Variants in FKBP6 observed in about 807,000 individuals in gnomAD.
The protein encoded by FKBP6 is inactive peptidyl-prolyl cis-trans isomerase FKBP6.
A neutral mutation model predicts 41.7 loss-of-function variants in FKBP6; 29 were observed. That is an observed-to-expected ratio of 0.70 (90% CI 0.52 to 0.95). FKBP6 has a LOEUF of 0.95. Among genes scored for constraint, FKBP6 ranks in the 40% least tolerant of loss-of-function variants. The pLI is 0.00. For synonymous variants in FKBP6, 130 were observed against 165.1 expected, an observed-to-expected ratio of 0.79 and a Z score of 1.63; for missense variants, 338 against 408.7, an observed-to-expected ratio of 0.83 and a Z score of 1.49.
At position 73,328,667 on chromosome 7, in the gene FKBP6, A is replaced by G. The variant is rs1554546852; in HGVS notation, c.150A>G (p.Leu50=). The stretch of plus-strand genomic sequence containing the variant: ...TCATCCGAGAAGGAGCTGGAGACCT[A>G]GTGGCGCCTGATGCTTCGGTGCTAG... ...KDVIREGAGD[L]VAPDASVLVK... The change falls in exon 2 of 9, where the codon CTA becomes CTG. Residue 50 remains leucine, a synonymous_variant. Coordinates refer to ENST00000252037, the MANE Select transcript of FKBP6 (RefSeq NM_003602.5). 6 of 1,611,528 alleles carry G rather than the reference A, an allele frequency of 3.7e-6. No homozygotes were observed. In the South Asian group the frequency reaches 6.6e-5, roughly 18 times the overall value.
intron 8 of FKBP6, among the ~76,000 whole-genome samples, chr7:73,347,665 GAC>G (rs1805369401): frequency 6.6e-6 from 1 of 152,144 alleles, no homozygotes; most frequent in Non-Finnish European, 1.5e-5. Context: ...TGTTTTTAGA[GAC>G]AGAGTCTCGC....
chr7:73,351,443 C>G (rs1226081370), intron 8 of FKBP6, among the ~76,000 whole-genome samples: 3 of 152,142 alleles, frequency 2.0e-5, no homozygotes, highest in South Asian at 2.1e-4. Context: ...AAGGCATTCT[C>G]TTATTGTCAG....
Position 73,328,571 on chromosome 7 carries a change from T to G in FKBP6, c.58-4T>G. On this transcript the variant is annotated splice_polypyrimidine_tract_variant and splice_region_variant and intron_variant, in intron 1 of 8. Coordinates refer to ENST00000252037, the MANE Select transcript of FKBP6 (RefSeq NM_003602.5). ...TCTGAGGCCTGGCTTTCATTCTCCATCAGTCCCTGTACGAGCGGTTAAGTC... is the reference window on the plus strand; with the variant it reads ...TCTGAGGCCTGGCTTTCATTCTCCAGCAGTCCCTGTACGAGCGGTTAAGTC... The G allele has an allele frequency of 6.9e-6, 11 of 1,588,614 alleles. No individual in the cohort carries two copies. Among genetic ancestry groups the G allele is most frequent in the Non-Finnish European group, 9.5e-6 (11 of 1,161,188 alleles).
At chr7:73,331,964 C>T (rs1005183271) in intron 5 of FKBP6, among the ~76,000 whole-genome samples, 188 bp downstream of exon 5, 3 of 152,000 alleles carry the variant, frequency 2.0e-5, no homozygotes, top group Non-Finnish European at 4.4e-5. Flanking sequence ...CCTGGGTTCA[C>T]GCCATTCTCC....
chr7:73,338,716 G>A (rs2115880217), intron 5 of FKBP6, among the ~76,000 whole-genome samples: 1 of 152,332 alleles, frequency 6.6e-6, no homozygotes. Flanking sequence ...GCATTTCCCT[G>A]ATGACTGATG....
chr7:73,330,037 G>A, intron 3 of FKBP6, 113 bp from the exon 4 acceptor site: 1 of 765,832 alleles, frequency 1.3e-6, no homozygotes, highest in South Asian at 1.5e-5. Flanking sequence ...AGAGGGAACT[G>A]TGTGAGGGAG....
chr7:73,340,710 G>A lies in FKBP6; in HGVS notation c.661G>A (p.Val221Ile), dbSNP rs1554549336. 2.5e-6 allele frequency: 4 copies of A among 1,613,958 alleles called. No individual in the cohort carries two copies. In the Admixed American group the frequency reaches 6.7e-5, roughly 27 times the overall value. Reference sequence around the variant, plus strand: ...CCTGGTGGAGGCCGCCAAGCTTCCTGTTCTCCTGAACCTGTCCTTTACATA... The same window carrying A: ...CCTGGTGGAGGCCGCCAAGCTTCCTATTCTCCTGAACCTGTCCTTTACATA... The part of the protein sequence containing the change: ...QHLVEAAKLP[V>I]LLNLSFTYLK... Residue 221 changes from valine (V) to isoleucine (I), a missense_variant, in exon 6 of 9, where the codon GTT (valine) becomes ATT (isoleucine). Physicochemically the swap from Val to Ile is conservative, Grantham distance 29. Coordinates refer to ENST00000252037, the MANE Select transcript of FKBP6 (RefSeq NM_003602.5).
chr7:73,349,546 C>CAAAA (rs1175280907), intron 8 of FKBP6, among the ~76,000 whole-genome samples: 30 of 48,682 alleles, frequency 6.2e-4, no homozygotes, highest in Non-Finnish European at 1.1e-3. Context: ...TACTAAAATA[C>CAAAA]AAAAAAAAAA....
intron 6 of FKBP6, 21 bp from the exon 7 acceptor site, chr7:73,341,251 TA>T (rs782627873): frequency 1.3e-6 from 2 of 1,512,038 alleles, no homozygotes; most frequent in South Asian, 1.1e-5. Flanking sequence ...ACTGTGCTTT[TA>T]AAGTTCTCTC....
At chr7:73,351,374 C>CT (rs1170971090) in intron 8 of FKBP6, among the ~76,000 whole-genome samples, 5 of 150,056 alleles carry the variant, frequency 3.3e-5, no homozygotes, top group East Asian at 3.9e-4. Flanking sequence ...TATGCCTCTA[C>CT]TTTTTTTTTT....
chr7:73,340,993 G>A (rs533479380), intron 6 of FKBP6, among the ~76,000 whole-genome samples, 161 bp downstream of exon 6: 2 of 147,850 alleles, frequency 1.4e-5, no homozygotes, highest in East Asian at 4.0e-4. Context: ...GCGCAAATTC[G>A]GCTCGCTGCA....
At position 73,328,473 on chromosome 7, in the gene FKBP6, C is replaced by A; in HGVS notation, c.45C>A (p.Asp15Glu). 6.4e-7 allele frequency: 1 copy of A among 1,551,952 alleles called. No homozygotes were observed. The highest frequency in any genetic ancestry group is 1.2e-5 in the South Asian group (1 of 85,302). ...ACCAGGGAGTCCTGGAAGGGGACGA[C>A]GCCCCCGGCCAGGTGAGGGCCCAGA... Reference protein sequence around the residue: ...ALNQGVLEGDDAPGQSLYERL... With the variant: ...ALNQGVLEGDEAPGQSLYERL... Residue 15 changes from aspartate (D) to glutamate (E), a missense_variant, in exon 1 of 9, where the codon GAC (aspartate) becomes GAA (glutamate). Coordinates refer to ENST00000252037, the MANE Select transcript of FKBP6 (RefSeq NM_003602.5).
chr7:73,329,507 G>A (rs782759955), intron 3 of FKBP6, 58 bp downstream of exon 3: 3 of 1,041,298 alleles, frequency 2.9e-6, no homozygotes, highest in Non-Finnish European at 4.6e-6. Flanking sequence ...GATGAGGCAC[G>A]ATGCCTCAGG....
intron 7 of FKBP6, 107 bp downstream of exon 7, chr7:73,341,489 G>C (rs987878935): frequency 2.0e-5 from 16 of 802,138 alleles, no homozygotes; most frequent in Non-Finnish European, 3.3e-5. Context: ...TGCCCAGAGT[G>C]TTAGGAGGCC....
chr7:73,345,980 C>T (rs2115928570), intron 8 of FKBP6, among the ~76,000 whole-genome samples: 1 of 152,304 alleles, frequency 6.6e-6, no homozygotes, highest in African/African-American at 2.4e-5. Flanking sequence ...GATCACCTTC[C>T]TGGTCGTTTT....
Position 73,328,248 on chromosome 7 carries a change from C to T in FKBP6, c.-181C>T, listed in dbSNP as rs781989410. On this transcript the variant is annotated 5_prime_UTR_variant, in exon 1 of 9. Coordinates refer to ENST00000252037, the MANE Select transcript of FKBP6 (RefSeq NM_003602.5). ...TTCCAGAGCTCGCGAGGGCCAGGGC[C>T]GTTGGCGGCGGTTGGAACGAAACGA... 154 of 1,549,070 alleles carry T rather than the reference C, an allele frequency of 9.9e-5. No homozygotes were observed. Among genetic ancestry groups the T allele is most frequent in the Middle Eastern group, 2.3e-4 (1 of 4,382 alleles).
rs368020072 is a variant in FKBP6, at chr7:73,340,863, A to G, written c.783+31A>G. The G allele has an allele frequency of 1.7e-5, 26 of 1,537,256 alleles. No homozygotes were observed. In the African/African-American group the frequency reaches 3.1e-4, roughly 19 times the overall value. On this transcript the variant is annotated intron_variant, in intron 6 of 8. Transcript: ENST00000252037. Reference sequence around the variant, plus strand: ...TTGGAAGCCAGTGACTTGGGAATAAACACCCAGGAAAAGGTAGTAGCAGTG... The same window carrying G: ...TTGGAAGCCAGTGACTTGGGAATAAGCACCCAGGAAAAGGTAGTAGCAGTG...
Position 73,338,322 on chromosome 7 carries a change from G to A in FKBP6, c.589-2316G>A, listed in dbSNP as rs535806862. On this transcript the variant is annotated intron_variant, in intron 5 of 8. Coordinates refer to ENST00000252037, the MANE Select transcript of FKBP6 (RefSeq NM_003602.5). ...ATTACAGGCATGAGCCACCGCACCC[G>A]GACCCTCGTTCTTTTGTAAGGCTAC... Among the ~76,000 whole-genome samples the A allele has an allele frequency of 9.1e-4, 139 of 152,254 alleles. No homozygotes were observed. The South Asian group carries it at 0.014, about 16-fold the overall frequency.
At position 73,339,721 on chromosome 7, in the gene FKBP6, C is replaced by T. The variant is rs1003333811; in HGVS notation, c.589-917C>T. Among the ~76,000 whole-genome samples the T allele has an allele frequency of 4.7e-5, 7 of 149,912 alleles. No homozygotes were observed. In the Admixed American group the frequency reaches 4.7e-4, roughly 10 times the overall value. ...CTCCGCCTCCCATGTTCAAGTGATT[C>T]TCCTGCCTCAGCCTCCAATGTAGCT... On this transcript the variant is annotated intron_variant, in intron 5 of 8. Transcript: ENST00000252037.
Sources: gnomAD v4.1 joint callset for allele counts (sites outside exome capture counted in the v4.1 genomes callset) on GRCh38, gnomAD v4.1.1 for gene constraint, MANE v1.5 for transcripts, NCBI Gene and HGNC (gene_info 2026-07-23, HGNC 2026-07-21) for gene names.